The following PDE12 variants were observed in gnomAD, a reference collection of about 807,000 sequenced individuals.
PDE12 encodes phosphodiesterase 12.
Under a neutral mutation model 45.4 loss-of-function variants are expected in PDE12, and 26 were observed. That is an observed-to-expected ratio of 0.57 (90% CI 0.42 to 0.79). The LOEUF is 0.79. Ranked by LOEUF, PDE12 falls within the 30% of genes least tolerant of loss-of-function variation. PDE12 has a pLI of 0.00. For synonymous variants in PDE12, 283 were observed against 323.9 expected (o/e 0.87, Z 1.36); for missense variants, 668 against 790.0 (o/e 0.85, Z 1.85).
At chr3:57,630,918 T>C in the PDE12 span, 3 of 1,613,422 alleles carry the variant, frequency 1.9e-6, no homozygotes, top group Non-Finnish European at 2.5e-6. Flanking sequence ...TTTGAATATA[T>C]TCATACCTTC....
chr3:57,557,924 T>C (rs2069684673), intron 1 of PDE12, among the ~76,000 whole-genome samples: 1 of 152,200 alleles, frequency 6.6e-6, no homozygotes, highest in African/African-American at 2.4e-5. Flanking sequence ...GCAGGGACTT[T>C]TACAGTGCTT....
At chr3:57,654,857 T>A in the PDE12 span, 1 of 875,216 alleles carries the variant, frequency 1.1e-6, no homozygotes, top group Non-Finnish European at 1.4e-6. Context: ...TATAACTGGA[T>A]AAATATGTAA....
the PDE12 span, among the ~76,000 whole-genome samples, chr3:57,580,300 G>C: frequency 1.3e-5 from 2 of 152,066 alleles, no homozygotes; most frequent in African/African-American, 2.4e-5. Flanking sequence ...AAAGATCATT[G>C]TTCTTGGCTT....
At chr3:57,642,052 C>T in the PDE12 span, among the ~76,000 whole-genome samples, 5 of 152,100 alleles carry the variant, frequency 3.3e-5, no homozygotes, top group Non-Finnish European at 4.4e-5. Flanking sequence ...CGGTGATTCA[C>T]GCCTGTAATC....
At chr3:57,592,304 T>C in the PDE12 span, among the ~76,000 whole-genome samples, 1 of 151,866 alleles carries the variant, frequency 6.6e-6, no homozygotes, top group Non-Finnish European at 1.5e-5. Context: ...GCTTGACCAA[T>C]ATGGTGAAAC....
Position 57,564,353 on chromosome 3 carries a change from T to C in PDE12, c.*4349T>C, listed in dbSNP as rs1448612762. On this transcript the variant is annotated 3_prime_UTR_variant, in exon 3 of 3. Transcript: ENST00000311180. ...ATGTTCATACTGTCAGTGTTAGATT[T>C]TTACTCATAATTTAAAATTTCCCCG... is the stretch of plus-strand genomic sequence containing the variant. The C allele has an allele frequency of 2.6e-5, 4 of 152,208 alleles. No homozygotes were observed. Among genetic ancestry groups the C allele is most frequent in the Non-Finnish European group, 5.9e-5 (4 of 68,036 alleles). The allele number at this position is 152,208 out of a possible 1,614,324, so 9.4% of individuals were successfully genotyped here. A position where few individuals can be genotyped will look rare whatever the true frequency, so the allele number is the denominator to read the frequency against.
the PDE12 span, among the ~76,000 whole-genome samples, chr3:57,602,014 C>G: frequency 6.6e-6 from 1 of 152,096 alleles, no homozygotes; most frequent in Non-Finnish European, 1.5e-5. Flanking sequence ...CTCGGCCTCC[C>G]AGAGTGCTGG....
downstream of PDE12, chr3:57,571,758 G>A (rs1283241163): frequency 6.1e-6 from 1 of 164,114 alleles, no homozygotes; most frequent in Non-Finnish European, 1.3e-5. Flanking sequence ...TCTCTGGCTG[G>A]TACAAGCAGT....
chr3:57,574,147 G>A, the PDE12 span, among the ~76,000 whole-genome samples: 1 of 151,348 alleles, frequency 6.6e-6, no homozygotes, highest in Admixed American at 6.6e-5. Flanking sequence ...CATCATCTTG[G>A]CCATGTTGGT....
chr3:57,578,229 G>T, the PDE12 span, among the ~76,000 whole-genome samples: 1 of 151,870 alleles, frequency 6.6e-6, no homozygotes, highest in Non-Finnish European at 1.5e-5. Flanking sequence ...GCCAACTCTA[G>T]ATCAGGAAGA....
the PDE12 span, among the ~76,000 whole-genome samples, chr3:57,582,286 A>G: frequency 1.3e-5 from 2 of 151,548 alleles, no homozygotes; most frequent in Non-Finnish European, 2.9e-5. Flanking sequence ...TTTGTCACCC[A>G]TGCTGGAGTG....
At chr3:57,600,667 C>T in the PDE12 span, 9 of 152,174 alleles carry the variant, frequency 5.9e-5, no homozygotes, top group African/African-American at 1.7e-4. Context: ...CTTGGCCTCC[C>T]AAAGTGTTGG....
At chr3:57,639,684 T>C in the PDE12 span, among the ~76,000 whole-genome samples, 1 of 152,194 alleles carries the variant, frequency 6.6e-6, no homozygotes, top group South Asian at 2.1e-4. Context: ...GCACTGTGTT[T>C]AATCCTCCTA....
the PDE12 span, among the ~76,000 whole-genome samples, chr3:57,637,301 C>T: frequency 1.3e-5 from 2 of 152,174 alleles, no homozygotes; most frequent in African/African-American, 4.8e-5. Context: ...TCTGTCATAA[C>T]TAGACACAGA....
At position 57,565,475 on chromosome 3, in the gene PDE12, C is replaced by T. The variant is rs2069777744; in HGVS notation, c.*5471C>T. ...GTGTTACGAACATTCCAATTGTACT[C>T]TCTCAGTTATTCTAAAATGTGATAT... On this transcript the variant is annotated 3_prime_UTR_variant, in exon 3 of 3. Coordinates refer to ENST00000311180, the MANE Select transcript of PDE12 (RefSeq NM_177966.7). 6.6e-6 allele frequency: 1 copy of T among 152,124 alleles called. No homozygotes were observed. The highest frequency in any genetic ancestry group is 2.1e-4 in the South Asian group (1 of 4,836). 9.4% of individuals were successfully genotyped at this position (152,124 alleles called of 1,614,324 possible). A position where few individuals can be genotyped will look rare whatever the true frequency, so the allele number is the denominator to read the frequency against.
downstream of PDE12, among the ~76,000 whole-genome samples, chr3:57,569,829 CAAAAAA>C (rs11310053): frequency 2.9e-5 from 2 of 67,878 alleles, no homozygotes; most frequent in African/African-American, 6.1e-5. Flanking sequence ...AAAACCATCT[CAAAAAA>C]AAAAAAAAAA....
At chr3:57,603,365 G>A in the PDE12 span, among the ~76,000 whole-genome samples, 1 of 151,812 alleles carries the variant, frequency 6.6e-6, no homozygotes, top group Non-Finnish European at 1.5e-5. Flanking sequence ...TTAAGACAGA[G>A]TCTTGTTCTG....
the PDE12 span, among the ~76,000 whole-genome samples, chr3:57,651,301 T>C: frequency 6.6e-6 from 1 of 152,180 alleles, no homozygotes; most frequent in Non-Finnish European, 1.5e-5. Flanking sequence ...AAACTTACAA[T>C]GGGTTTAACA....
chr3:57,560,004 G>A lies in PDE12; in HGVS notation c.1830G>A (p.Ter610=). ...IALVCDLKWK[*] ...TTGTATGTGATTTAAAATGGAAATAGATGTGTGTTTAATGGAATTGAAGTC... is the reference window on the plus strand; with the variant it reads ...TTGTATGTGATTTAAAATGGAAATAAATGTGTGTTTAATGGAATTGAAGTC... The change falls in exon 3 of 3, where the codon TAG becomes TAA. Residue 610 remains the stop codon, a stop_retained_variant. Transcript: ENST00000311180. 1.3e-6 allele frequency: 2 copies of A among 1,596,786 alleles called. No homozygotes were observed. Among genetic ancestry groups the A allele is most frequent in the Non-Finnish European group, 1.7e-6 (2 of 1,174,158 alleles).
Sources: allele counts gnomAD v4.1 joint callset (sites outside exome capture counted in the v4.1 genomes callset), GRCh38; gene constraint gnomAD v4.1.1; transcripts MANE v1.5; gene names NCBI Gene and HGNC (gene_info 2026-07-23, HGNC 2026-07-21).